MGAT4C: variants seen among roughly 807,000 people sequenced by gnomAD.
The protein encoded by MGAT4C is alpha-1,3-mannosyl-glycoprotein 4-beta-N-acetylglucosaminyltransferase C.
Under a neutral mutation model 40.1 loss-of-function variants are expected in MGAT4C, and 19 were observed. The observed-to-expected ratio is 0.47, with a 90% confidence interval of 0.33 to 0.70. MGAT4C has a LOEUF of 0.70. Among genes scored for constraint, MGAT4C ranks in the 30% least tolerant of loss-of-function variants. The pLI, the probability that MGAT4C is intolerant of heterozygous loss-of-function variation, is 0.02. For missense variants in MGAT4C, 491 were observed against 563.2 expected (o/e 0.87, Z 1.30); for synonymous variants, 181 against 187.1 (o/e 0.97, Z 0.27).
chr12:86,092,923 G>A (rs1055225931), intron 1 of MGAT4C, among the ~76,000 whole-genome samples: 1 of 151,800 alleles, frequency 6.6e-6, no homozygotes, highest in Non-Finnish European at 1.5e-5. Flanking sequence ...TGTTACATAC[G>A]TATACATGTG....
At chr12:86,325,809 C>T (rs997278388) in intron 4 of MGAT4C, among the ~76,000 whole-genome samples, 13 of 151,896 alleles carry the variant, frequency 8.6e-5, no homozygotes, top group African/African-American at 2.9e-4. Flanking sequence ...CCCAGGAGGT[C>T]GAGGCTGCAA....
chr12:86,537,795 AT>A (rs1027215059), intron 2 of MGAT4C, among the ~76,000 whole-genome samples: 6 of 151,310 alleles, frequency 4.0e-5, no homozygotes, highest in Non-Finnish European at 8.9e-5. Context: ...GATACAAATA[AT>A]TTTTTTTGGG....
At chr12:86,159,111 A>G (rs1885304289) in intron 1 of MGAT4C, among the ~76,000 whole-genome samples, 1 of 152,076 alleles carries the variant, frequency 6.6e-6, no homozygotes, top group African/African-American at 2.4e-5. Context: ...GTCTTTTTCC[A>G]GTTCTCAAGG....
intron 2 of MGAT4C, among the ~76,000 whole-genome samples, chr12:86,712,231 T>C (rs1950568651): frequency 6.6e-6 from 1 of 152,124 alleles, no homozygotes; most frequent in South Asian, 2.1e-4. Context: ...TTTTGGAATG[T>C]ATACATACAG....
At chr12:85,994,571 G>T (rs747282803) in intron 2 of MGAT4C, among the ~76,000 whole-genome samples, 4 of 151,294 alleles carry the variant, frequency 2.6e-5, no homozygotes, top group Non-Finnish European at 1.5e-5. Flanking sequence ...CTCAAACATA[G>T]AATTATTTTC....
chr12:86,094,312 A>G (rs1016904189), intron 1 of MGAT4C, among the ~76,000 whole-genome samples: 1 of 152,198 alleles, frequency 6.6e-6, no homozygotes, highest in Non-Finnish European at 1.5e-5. Flanking sequence ...AAATTGACAG[A>G]AAAGATCAGT....
At chr12:86,003,515 T>C (rs546537818) in intron 2 of MGAT4C, among the ~76,000 whole-genome samples, 5 of 152,326 alleles carry the variant, frequency 3.3e-5, no homozygotes, top group African/African-American at 1.2e-4. Flanking sequence ...CTTTGGTTTT[T>C]GCTTTTGTGA....
At chr12:86,185,875 A>C (rs996714043) in intron 1 of MGAT4C, among the ~76,000 whole-genome samples, 1 of 152,124 alleles carries the variant, frequency 6.6e-6, no homozygotes, top group Non-Finnish European at 1.5e-5. Flanking sequence ...CGCTCAGGAA[A>C]ATTTAACAGG....
chr12:86,767,297 C>G (rs899392301), intron 1 of MGAT4C, among the ~76,000 whole-genome samples: 2 of 152,100 alleles, frequency 1.3e-5, no homozygotes, highest in African/African-American at 4.8e-5. Flanking sequence ...CACATAAACC[C>G]TCCCAAGACT....
chr12:86,608,118 A>T (rs1962108570), intron 2 of MGAT4C, among the ~76,000 whole-genome samples: 1 of 152,158 alleles, frequency 6.6e-6, no homozygotes, highest in Admixed American at 6.6e-5. Context: ...AATACAAACT[A>T]GTACATAGTT....
At chr12:86,703,629 G>T (rs1423883405) in intron 2 of MGAT4C, among the ~76,000 whole-genome samples, 1 of 152,110 alleles carries the variant, frequency 6.6e-6, no homozygotes, top group East Asian at 1.9e-4. Context: ...ACACATAATA[G>T]ACTACAGTGT....
At chr12:86,058,488 T>C (rs1346875311) in intron 1 of MGAT4C, among the ~76,000 whole-genome samples, 1 of 152,138 alleles carries the variant, frequency 6.6e-6, no homozygotes, top group Non-Finnish European at 1.5e-5. Context: ...CCTTACAATT[T>C]ACAGTTCTTT....
At chr12:86,469,273 T>C (rs181759634) in intron 2 of MGAT4C, among the ~76,000 whole-genome samples, 2 of 152,258 alleles carry the variant, frequency 1.3e-5, no homozygotes, top group Admixed American at 6.6e-5. Context: ...AGGCTTCTTG[T>C]TGAGTGTGAG....
At chr12:85,986,296 T>C (rs996913443) in intron 3 of MGAT4C, among the ~76,000 whole-genome samples, 14 of 152,280 alleles carry the variant, frequency 9.2e-5, no homozygotes, top group African/African-American at 2.9e-4. Flanking sequence ...TTTATGACAA[T>C]CATTTTCTGG....
chr12:86,813,876 G>C (rs1952527710), intron 1 of MGAT4C, among the ~76,000 whole-genome samples: 1 of 151,672 alleles, frequency 6.6e-6, no homozygotes, highest in African/African-American at 2.4e-5. Flanking sequence ...TAAATGTTTT[G>C]CATAATTTTG....
At chr12:86,562,589 G>A (rs1273783898) in intron 2 of MGAT4C, among the ~76,000 whole-genome samples, 2 of 152,020 alleles carry the variant, frequency 1.3e-5, no homozygotes, top group African/African-American at 4.8e-5. Context: ...GCAATTTCCA[G>A]GCAAGACAAT....
intron 4 of MGAT4C, among the ~76,000 whole-genome samples, chr12:86,309,013 T>C (rs1954007357): frequency 6.6e-6 from 1 of 150,558 alleles, no homozygotes; most frequent in Non-Finnish European, 1.5e-5. Flanking sequence ...AAGTAAAATC[T>C]CATCTTTATT....
Position 85,958,888 on chromosome 12 carries a change from A to G in MGAT4C, c.*20401T>C, listed in dbSNP as rs549765091. ...CTAATGATCAAATAGATTAAGTTGT[A>G]TAAAATTTTACAAACTTTATATTTT... On this transcript the variant is annotated 3_prime_UTR_variant, in exon 5 of 5. Coordinates refer to ENST00000611864, the MANE Select transcript of MGAT4C (RefSeq NM_001351288.2). The G allele has an allele frequency of 6.6e-6, 1 of 152,112 alleles. No homozygotes were observed. The highest frequency in any genetic ancestry group is 6.6e-5 in the Admixed American group (1 of 15,248). The allele number at this position is 152,112 out of a possible 1,614,324, so 9.4% of individuals were successfully genotyped here.
intron 1 of MGAT4C, among the ~76,000 whole-genome samples, chr12:86,154,052 C>T (rs555893365): frequency 5.9e-5 from 9 of 152,268 alleles, no homozygotes; most frequent in African/African-American, 2.2e-4. Flanking sequence ...TATAGGGATT[C>T]ATATTGGGAC....
Sources: gnomAD v4.1 joint callset for allele counts (sites outside exome capture counted in the v4.1 genomes callset) on GRCh38, gnomAD v4.1.1 for gene constraint, MANE v1.5 for transcripts, NCBI Gene and HGNC (gene_info 2026-07-23, HGNC 2026-07-21) for gene names.